The following HIVEP2 variants were observed in gnomAD, a reference collection of about 807,000 sequenced individuals.
HIVEP2 encodes HIVEP zinc finger 2, also known as transcription factor HIVEP2.
Under a neutral mutation model 180.7 loss-of-function variants are expected in HIVEP2, and 14 were observed. The ratio of observed to expected loss-of-function variants is 0.08; its 90% confidence interval spans 0.05 to 0.12. The LOEUF (loss-of-function observed/expected upper bound fraction) is 0.12. HIVEP2 is among the 10% of genes least tolerant of loss of function. HIVEP2 has a pLI of 1.00. For synonymous variants in HIVEP2, 1,184 were observed against 1,136.4 expected, an observed-to-expected ratio of 1.04 and a Z score of -0.84; for missense variants, 2,579 against 3,008.5, an observed-to-expected ratio of 0.86 and a Z score of 3.34.
chr6:142,882,938 C>G (rs1018685488), intron 1 of HIVEP2, among the ~76,000 whole-genome samples: 2 of 151,990 alleles, frequency 1.3e-5, no homozygotes, highest in Non-Finnish European at 2.9e-5. Context: ...CTGCACTGAC[C>G]AAAGCTGATA....
intron 1 of HIVEP2, among the ~76,000 whole-genome samples, chr6:142,921,430 G>T (rs1008312130): frequency 3.3e-5 from 5 of 152,232 alleles, no homozygotes; most frequent in African/African-American, 1.2e-4. Flanking sequence ...AGCTACTGGG[G>T]AGGCTGAGGC....
At chr6:142,920,455 C>A (rs912539570) in intron 1 of HIVEP2, among the ~76,000 whole-genome samples, 3 of 152,228 alleles carry the variant, frequency 2.0e-5, no homozygotes, top group Admixed American at 6.5e-5. Context: ...TCTCTGACAA[C>A]CAAGACCCCA....
intron 1 of HIVEP2, among the ~76,000 whole-genome samples, chr6:142,882,234 T>A (rs931842555): frequency 6.6e-6 from 1 of 152,176 alleles, no homozygotes; most frequent in African/African-American, 2.4e-5. Flanking sequence ...GTATGAAACA[T>A]TTTAAAACTT....
chr6:142,807,566 A>C (rs1776584867), intron 2 of HIVEP2, among the ~76,000 whole-genome samples: 3 of 151,888 alleles, frequency 2.0e-5, no homozygotes, highest in Non-Finnish European at 1.5e-5. Context: ...CCACGTTCTC[A>C]TAAAAAGCAC....
intron 7 of HIVEP2, among the ~76,000 whole-genome samples, chr6:142,763,410 T>G (rs1775302311): frequency 6.6e-6 from 1 of 152,198 alleles, no homozygotes; most frequent in Non-Finnish European, 1.5e-5. Context: ...TCCCAGGATG[T>G]TTTGCTCATT....
chr6:142,852,144 A>G (rs1159607071), intron 1 of HIVEP2, among the ~76,000 whole-genome samples: 1 of 152,210 alleles, frequency 6.6e-6, no homozygotes, highest in Non-Finnish European at 1.5e-5. Context: ...CATGCTTTCT[A>G]TCTTTAAAAA....
chr6:142,804,150 T>G (rs769676408), intron 2 of HIVEP2, among the ~76,000 whole-genome samples: 1 of 152,122 alleles, frequency 6.6e-6, no homozygotes, highest in Non-Finnish European at 1.5e-5. Flanking sequence ...TTGGAAAAAT[T>G]TTCTCACAGC....
chr6:142,777,572 C>T (rs916124499), intron 3 of HIVEP2, among the ~76,000 whole-genome samples: 2 of 134,192 alleles, frequency 1.5e-5, no homozygotes, highest in Non-Finnish European at 3.1e-5. Flanking sequence ...TGTTTGGACC[C>T]GGGAGGCAGA....
At chr6:142,911,088 C>T (rs937317718) in intron 1 of HIVEP2, among the ~76,000 whole-genome samples, 2 of 150,548 alleles carry the variant, frequency 1.3e-5, no homozygotes, top group Non-Finnish European at 2.9e-5. Flanking sequence ...TAAAGGTCAC[C>T]TCTACCCAGA....
intron 1 of HIVEP2, among the ~76,000 whole-genome samples, chr6:142,870,697 T>A (rs998663922): frequency 5.3e-5 from 8 of 152,098 alleles, no homozygotes; most frequent in African/African-American, 1.9e-4. Context: ...AACCCTACCA[T>A]ATAATAATCA....
rs1347609987 is a variant in HIVEP2 at position 142,771,158 on chromosome 6, T to G, written c.3581A>C (p.Glu1194Ala). 2 of 1,614,098 alleles carry G rather than the reference T, an allele frequency of 1.2e-6. No individual in the cohort carries two copies. The highest frequency in any genetic ancestry group is 2.7e-5 in the African/African-American group (2 of 74,928). Residue 1194 changes from glutamate (E) to alanine (A), a missense_variant, in exon 5 of 10, where the codon GAG becomes GCG. By Grantham distance (107) the Glu-to-Ala change is moderately radical (BLOSUM62 -1). This residue lies in a region of HIVEP2 where 523 missense variants were observed against 577.0 expected (regional missense o/e 0.91). Transcript: ENST00000367603. This position sits in a 1 kb window ranked among gnomAD's most constrained non-coding sequence, Gnocchi z 5.4. ...PEQPHLFPHQETIPFSPIQNA... is the reference protein window; with the variant it reads ...PEQPHLFPHQATIPFSPIQNA... ...CTGGATTGGAGAAAATGGAATTGTCTCTTGATGTGGAAATAAGTGTGGCTG... is the reference window on the plus strand; with the variant it reads ...CTGGATTGGAGAAAATGGAATTGTCGCTTGATGTGGAAATAAGTGTGGCTG...
At chr6:142,858,067 T>C (rs761031596) in intron 1 of HIVEP2, among the ~76,000 whole-genome samples, 1 of 151,918 alleles carries the variant, frequency 6.6e-6, no homozygotes, top group Non-Finnish European at 1.5e-5. Flanking sequence ...CCTAGAAGAG[T>C]ATCTCAACCC....
Position 142,759,962 on chromosome 6 carries a change from C to T in HIVEP2, c.6326G>A (p.Arg2109Lys), listed in dbSNP as rs1254060123. The T allele has an allele frequency of 1.2e-6, 2 of 1,613,986 alleles. No homozygotes were observed. The highest frequency in any genetic ancestry group is 1.7e-6 in the Non-Finnish European group (2 of 1,179,976). ...EMSQRDVSPR[R>K]HLSPRRPVSP... ...CACTGGCCTCCTTGGAGACAAATGC[C>T]TTCTTGGTGAAACATCTCTTTGGGA... Residue 2109 changes from arginine to lysine, a missense_variant, in exon 9 of 10, where the codon AGG becomes AAG. Around this residue, in one of 11 missense-constraint regions of HIVEP2, gnomAD observed 660 missense variants for 731.7 expected, o/e 0.90. Transcript: ENST00000367603.
intron 1 of HIVEP2, among the ~76,000 whole-genome samples, chr6:142,919,424 G>A (rs1489491706): frequency 2.6e-5 from 4 of 152,086 alleles, no homozygotes; most frequent in Admixed American, 6.5e-5. Flanking sequence ...TATTGGATAG[G>A]TAAGGAATGT....
At chr6:142,777,098 T>C (rs1775721498) in intron 3 of HIVEP2, among the ~76,000 whole-genome samples, 1 of 152,162 alleles carries the variant, frequency 6.6e-6, no homozygotes, top group Non-Finnish European at 1.5e-5. Context: ...AGATGTTTCC[T>C]TGATAGGCAA....
In HIVEP2 at chr6:142,769,608, G is replaced by A. The variant is rs1345416806; in HGVS notation, c.5131C>T (p.His1711Tyr). The A allele has an allele frequency of 1.2e-6, 2 of 1,614,180 alleles. No individual in the cohort carries two copies. The highest frequency in any genetic ancestry group is 2.2e-5 in the South Asian group (2 of 91,076). ...TAEIYTLAAM[H>Y]RPGTGKLTSS... ...GTAAGCTTGCCGGTTCCAGGCCTAT[G>A]CATAGCAGCCAGAGTATAAATTTCT... Residue 1711 changes from histidine to tyrosine, a missense_variant, in exon 5 of 10, where the codon CAT (histidine) becomes TAT (tyrosine). Physicochemically the swap from His to Tyr is moderately conservative, Grantham distance 83. Around this residue, in one of 11 missense-constraint regions of HIVEP2, gnomAD observed 349 missense variants for 367.2 expected, o/e 0.95. Coordinates refer to ENST00000367603, the MANE Select transcript of HIVEP2 (RefSeq NM_006734.4).
rs573223730 is a variant in HIVEP2 at position 142,770,964 on chromosome 6, G to T, written c.3775C>A (p.His1259Asn). The change falls in exon 5 of 10, where the codon CAT becomes AAT. Residue 1259 changes from histidine to asparagine, a missense_variant. This residue lies in a region of HIVEP2 where 523 missense variants were observed against 577.0 expected (regional missense o/e 0.91). Transcript: ENST00000367603. This position sits in a 1 kb window ranked among gnomAD's most constrained non-coding sequence, Gnocchi z 4.7. ...TTCTTTCCAGTGTGCTCTGCCACAT[G>T]CTCTAAGGGATAGCTCGAATGGATT... ...TEIHSSYPLE[H>N]VAEHTGKKPA... The T allele has an allele frequency of 3.0e-5, 49 of 1,614,196 alleles. No individual in the cohort carries two copies. Among genetic ancestry groups the T allele is most frequent in the Admixed American group, 6.7e-5 (4 of 60,026 alleles).
chr6:142,860,387 C>T (rs761182193), intron 1 of HIVEP2, among the ~76,000 whole-genome samples: 4 of 152,182 alleles, frequency 2.6e-5, no homozygotes, highest in Non-Finnish European at 2.9e-5. Flanking sequence ...TCGTGGAAGA[C>T]AATTTTTCCA....
chr6:142,786,693 A>AG (rs1776007313), intron 2 of HIVEP2, among the ~76,000 whole-genome samples: 1 of 152,230 alleles, frequency 6.6e-6, no homozygotes, highest in Admixed American at 6.5e-5. Flanking sequence ...TGATTCATAG[A>AG]TGACAGATAA....
Sources: gnomAD v4.1 joint callset for allele counts (sites outside exome capture counted in the v4.1 genomes callset) on GRCh38, gnomAD v4.1.1 for gene constraint, gnomAD v4.1.1 regional missense constraint, Gnocchi (gnomAD v3.1) non-coding constraint, MANE v1.5 for transcripts, NCBI Gene and HGNC (gene_info 2026-07-23, HGNC 2026-07-21) for gene names.